GPHN: variants seen among roughly 807,000 people sequenced by gnomAD.
GPHN encodes the protein gephyrin.
In GPHN, 17 loss-of-function variants were observed where a neutral mutation model predicts 95.5. The observed-to-expected ratio is 0.18, with a 90% CI of 0.12 to 0.27. GPHN has a LOEUF of 0.27. GPHN is among the 10% of genes least tolerant of loss of function. The pLI is 1.00. For synonymous variants in GPHN, 320 were observed against 322.5 expected (o/e 0.99, Z 0.08); for missense variants, 660 against 978.1 (o/e 0.67, Z 4.34).
At chr14:66,809,497 A>C (rs938865851) in intron 3 of GPHN, among the ~76,000 whole-genome samples, 4 of 152,190 alleles carry the variant, frequency 2.6e-5, no homozygotes, top group African/African-American at 9.6e-5. Flanking sequence ...CAAGAAATAC[A>C]AAAAAGATTA....
At chr14:67,222,085 C>T in the GPHN span, 1 of 375,914 alleles carries the variant, frequency 2.7e-6, no homozygotes, top group African/African-American at 2.1e-5. Flanking sequence ...TTCCCTGTAT[C>T]TAAATCATCA....
At chr14:66,558,718 G>A (rs2060108262) in intron 1 of GPHN, among the ~76,000 whole-genome samples, 1 of 151,842 alleles carries the variant, frequency 6.6e-6, no homozygotes, top group African/African-American at 2.4e-5. Flanking sequence ...TGAATTAACA[G>A]CTTTTCTTTT....
chr14:67,388,337 G>A, the GPHN span: 4 of 1,372,490 alleles, frequency 2.9e-6, no homozygotes, highest in Non-Finnish European at 4.2e-6. Flanking sequence ...AGGAATTTGT[G>A]AATGAACAAA....
chr14:67,044,712 T>C (rs546088105), intron 10 of GPHN, among the ~76,000 whole-genome samples: 45 of 150,248 alleles, frequency 3.0e-4, no homozygotes, highest in African/African-American at 9.7e-4. Context: ...TTATAAAATA[T>C]GTGTAATTAT....
At chr14:67,034,623 CAA>C (rs1428343233) in intron 10 of GPHN, among the ~76,000 whole-genome samples, 1 of 151,804 alleles carries the variant, frequency 6.6e-6, no homozygotes, top group Non-Finnish European at 1.5e-5. Flanking sequence ...AAATTATAAT[CAA>C]AAGAGAGCAG....
At chr14:67,318,555 T>G in the GPHN span, among the ~76,000 whole-genome samples, 1 of 152,238 alleles carries the variant, frequency 6.6e-6, no homozygotes, top group Admixed American at 6.5e-5. Flanking sequence ...GCTACCAGTC[T>G]TGATTATACG....
the GPHN span, among the ~76,000 whole-genome samples, chr14:67,597,314 C>T: frequency 6.6e-6 from 1 of 151,896 alleles, no homozygotes; most frequent in Admixed American, 6.6e-5. Context: ...CCTGTCTCTA[C>T]AAAAAATACA....
intron 5 of GPHN, among the ~76,000 whole-genome samples, chr14:66,908,626 A>G (rs8004936): frequency 0.51 from 77,954 of 151,640 alleles, 23,120 homozygotes; most frequent in African/African-American, 0.82. Context: ...AACTGGGGTC[A>G]GGTTGGGGAA....
intron 3 of GPHN, among the ~76,000 whole-genome samples, chr14:66,782,399 A>G (rs1007759762): frequency 9.9e-5 from 15 of 152,176 alleles, no homozygotes; most frequent in African/African-American, 3.4e-4. Flanking sequence ...AGATAACATT[A>G]TAATATCTCT....
rs754351462 is a variant in GPHN, at chr14:66,508,638, A to G, written c.64+47A>G. 1.2e-5 allele frequency: 18 copies of G among 1,500,058 alleles called. 1 individual carries two copies. The South Asian group carries it at 1.8e-4, about 15-fold the overall frequency. The allele number at this position is 1,500,058 out of a possible 1,614,324, so 92.9% of individuals were successfully genotyped here. A position where few individuals can be genotyped will look rare whatever the true frequency, so the allele number is the denominator to read the frequency against. ...GGACCTATGAGGCTGCTGTCCCTGC[A>G]TTGCCTTAGGCTTTTCGCCTGTGGT... On this transcript the variant is annotated intron_variant, in intron 1 of 22. Transcript: ENST00000478722.
rs2080739683 is a variant in GPHN, at chr14:67,144,264, T to TGTATATATAC, written c.1836+815_1836+816insGTATATATAC. ...AAAAAAAAAAAAATATATATATATA[T>TGTATATATAC]ATATATATATATATATATATATACA... is the stretch of plus-strand genomic sequence containing the variant. On this transcript the variant is annotated intron_variant, in intron 18 of 22. Coordinates refer to ENST00000478722, the MANE Select transcript of GPHN (RefSeq NM_020806.5). 2.4e-5 allele frequency among the ~76,000 whole-genome samples: 2 copies of TGTATATATAC among 83,134 alleles called. 1 individual carries two copies. Among genetic ancestry groups the TGTATATATAC allele is most frequent in the African/African-American group, 1.5e-4 (2 of 13,250 alleles). The allele number at this position is 83,134 out of a possible 152,430, so 54.5% of individuals were successfully genotyped here.
the GPHN span, among the ~76,000 whole-genome samples, chr14:67,551,490 CTG>C: frequency 1.3e-5 from 2 of 152,188 alleles, no homozygotes; most frequent in South Asian, 4.1e-4. Flanking sequence ...GATGAGGAAA[CTG>C]AGGCACAGAG....
chr14:67,214,481 T>C, the GPHN span, among the ~76,000 whole-genome samples: 4 of 152,202 alleles, frequency 2.6e-5, no homozygotes, highest in African/African-American at 9.7e-5. Flanking sequence ...GTTGTAGACG[T>C]GCGGCGTTAT....
At chr14:67,521,149 A>T in the GPHN span, among the ~76,000 whole-genome samples, 24 of 152,350 alleles carry the variant, frequency 1.6e-4, no homozygotes, top group African/African-American at 5.8e-4. Context: ...GTTGAATAAT[A>T]TCACTTCTTA....
At chr14:67,600,165 GC>G in the GPHN span, 1 of 1,589,100 alleles carries the variant, frequency 6.3e-7, no homozygotes, top group Non-Finnish European at 8.6e-7. Flanking sequence ...GCGCCAGGCG[GC>G]CGCCGCAGAT....
intron 1 of GPHN, among the ~76,000 whole-genome samples, chr14:66,607,134 G>T (rs571286166): frequency 2.0e-5 from 3 of 152,136 alleles, no homozygotes; most frequent in African/African-American, 7.2e-5. Flanking sequence ...TTATTATTGT[G>T]AGGTATGTTC....
chr14:67,466,405 T>C, the GPHN span, among the ~76,000 whole-genome samples: 1 of 152,194 alleles, frequency 6.6e-6, no homozygotes, highest in African/African-American at 2.4e-5. Context: ...CTGGCAGGGC[T>C]CTGCAGGGAT....
chr14:67,010,609 G>A (rs1417906058), intron 9 of GPHN, among the ~76,000 whole-genome samples: 28 of 148,248 alleles, frequency 1.9e-4, no homozygotes, highest in Admixed American at 1.9e-3. Context: ...GTAAAACAAA[G>A]AATTACCAAT....
chr14:66,804,488 C>T (rs182261318), intron 3 of GPHN, among the ~76,000 whole-genome samples: 5 of 152,300 alleles, frequency 3.3e-5, no homozygotes, highest in Admixed American at 6.5e-5. Context: ...CTGTATACCA[C>T]CAGAATCTAC....
Sources: gnomAD v4.1 joint callset for allele counts (sites outside exome capture counted in the v4.1 genomes callset) on GRCh38, gnomAD v4.1.1 for gene constraint, MANE v1.5 for transcripts, NCBI Gene and HGNC (gene_info 2026-07-23, HGNC 2026-07-21) for gene names.